LARP1B: variants seen among roughly 807,000 people sequenced by gnomAD.
LARP1B encodes La ribonucleoprotein 1B.
LARP1B carries 76 observed loss-of-function variants against 114.2 expected under a neutral mutation model. The observed-to-expected ratio is 0.67, with a 90% CI of 0.55 to 0.81. LARP1B has a LOEUF of 0.81. Ranked by LOEUF, LARP1B falls within the 30% of genes least tolerant of loss-of-function variation. The pLI, the probability that LARP1B is intolerant of heterozygous loss-of-function variation, is 0.00. For missense variants in LARP1B, 1,014 were observed against 1,075.8 expected (o/e 0.94, Z 0.80); for synonymous variants, 345 against 348.0 (o/e 0.99, Z 0.10).
At chr4:128,140,563 T>TG (rs954299230) in intron 11 of LARP1B, among the ~76,000 whole-genome samples, 8 of 152,064 alleles carry the variant, frequency 5.3e-5, no homozygotes, top group South Asian at 2.1e-4. Context: ...TTGTGGGGGC[T>TG]GGGGGGAGGT....
At chr4:128,197,140 T>C (rs1326016380) in intron 15 of LARP1B, among the ~76,000 whole-genome samples, 1 of 152,206 alleles carries the variant, frequency 6.6e-6, no homozygotes, top group Admixed American at 6.5e-5. Context: ...CAGAATATTG[T>C]GATTATATTT....
chr4:128,088,278 G>A (rs529890872), intron 5 of LARP1B, among the ~76,000 whole-genome samples: 8 of 152,150 alleles, frequency 5.3e-5, no homozygotes, highest in Non-Finnish European at 8.8e-5. Context: ...TTTAAACTTC[G>A]CTTTGTGCAC....
intron 8 of LARP1B, among the ~76,000 whole-genome samples, chr4:128,105,082 T>TG (rs1397122601): frequency 2.6e-5 from 4 of 151,862 alleles, no homozygotes; most frequent in Admixed American, 6.6e-5. Flanking sequence ...TTTTTGTTTT[T>TG]TTTTTACATT....
At chr4:128,199,210 C>T (rs1264240745) in intron 15 of LARP1B, among the ~76,000 whole-genome samples, 1 of 152,134 alleles carries the variant, frequency 6.6e-6, no homozygotes, top group Non-Finnish European at 1.5e-5. Context: ...ACTGTGTTAG[C>T]TTGAGAGTTT....
chr4:128,142,633 C>T (rs180837175), intron 11 of LARP1B, among the ~76,000 whole-genome samples: 78 of 151,948 alleles, frequency 5.1e-4, no homozygotes, highest in Admixed American at 1.8e-3. Flanking sequence ...CTCAGCCCCC[C>T]GAGTATCTGG....
intron 1 of LARP1B, among the ~76,000 whole-genome samples, chr4:128,065,270 T>C (rs1026646660): frequency 2.6e-5 from 3 of 113,510 alleles, no homozygotes; most frequent in Non-Finnish European, 5.7e-5. Context: ...TCTTTCTTTC[T>C]TTCTTTCTTT....
Position 128,173,449 on chromosome 4 carries a change from C to T in LARP1B, c.1649-3423C>T, listed in dbSNP as rs558839444. On this transcript the variant is annotated intron_variant, in intron 12 of 19. Transcript: ENST00000326639. ...CTCATGTAGCATTTTTAATTTTTGA[C>T]GTTCACTAAACACTAACAGCATAAT... is the stretch of plus-strand genomic sequence containing the variant. Among the ~76,000 whole-genome samples, 101 of 152,186 alleles carry T rather than the reference C, an allele frequency of 6.6e-4. 1 individual carries two copies. The South Asian group carries it at 0.02, about 31-fold the overall frequency.
Position 128,107,018 on chromosome 4 carries a change from T to G in LARP1B, c.814-121T>G, listed in dbSNP as rs180869058. 17 of 748,814 alleles carry G rather than the reference T, an allele frequency of 2.3e-5. No homozygotes were observed. The East Asian group carries it at 2.8e-4, about 12-fold the overall frequency. 46.4% of individuals were successfully genotyped at this position (748,814 alleles called of 1,614,324 possible). A position where few individuals can be genotyped will look rare whatever the true frequency, so the allele number is the denominator to read the frequency against. ...TTCTATGTGGTTAACTTATGGATTT[T>G]TTAGAATCTTAACTGCAAATTAGTT... is the stretch of plus-strand genomic sequence containing the variant. On this transcript the variant is annotated intron_variant, in intron 8 of 19. Coordinates refer to ENST00000326639, the MANE Select transcript of LARP1B (RefSeq NM_018078.4).
At chr4:128,077,725 A>C in intron 3 of LARP1B, 63 bp from the exon 4 acceptor site, 1 of 1,441,092 alleles carries the variant, frequency 6.9e-7, no homozygotes, top group Non-Finnish European at 9.1e-7. Context: ...ATTGCCACAA[A>C]TTTTTGGGTA....
intron 15 of LARP1B, among the ~76,000 whole-genome samples, chr4:128,189,485 A>T (rs993386580): frequency 2.0e-5 from 3 of 151,650 alleles, no homozygotes; most frequent in African/African-American, 7.3e-5. Flanking sequence ...AGCCATGCTT[A>T]TATCTTTTGG....
intron 18 of LARP1B, 21 bp from the exon 19 acceptor site, chr4:128,207,235 T>C: frequency 8.7e-7 from 1 of 1,150,734 alleles, no homozygotes; most frequent in Non-Finnish European, 1.2e-6. Context: ...ATTCATAATG[T>C]ATATTATTCT....
Position 128,121,809 on chromosome 4 carries a change from C to T in LARP1B, c.1162-17C>T. ...GATAGAAAGTTTTTTATATAAATTA[C>T]CAATTTCTTCCTTCAGGAATCAGTG... On this transcript the variant is annotated splice_polypyrimidine_tract_variant and intron_variant, in intron 10 of 19. Transcript: ENST00000326639. 6.8e-7 allele frequency: 1 copy of T among 1,471,712 alleles called. No homozygotes were observed. Among genetic ancestry groups the T allele is most frequent in the Non-Finnish European group, 9.0e-7 (1 of 1,107,654 alleles). 91.2% of individuals were successfully genotyped at this position (1,471,712 alleles called of 1,614,324 possible).
intron 15 of LARP1B, among the ~76,000 whole-genome samples, chr4:128,194,866 CAA>C (rs879815845): frequency 2.2e-5 from 3 of 137,076 alleles, no homozygotes; most frequent in Non-Finnish European, 3.2e-5. Flanking sequence ...GACTCCATCG[CAA>C]AAAAAAAAAA....
chr4:128,073,934 A>G (rs1766742982), intron 1 of LARP1B, among the ~76,000 whole-genome samples: 1 of 149,276 alleles, frequency 6.7e-6, no homozygotes, highest in Non-Finnish European at 1.5e-5. Context: ...TCAGTGTAAT[A>G]CGCTGTGTTT....
downstream of LARP1B, among the ~76,000 whole-genome samples, chr4:128,213,523 C>A (rs1759260239): frequency 6.6e-6 from 1 of 151,866 alleles, no homozygotes; most frequent in Admixed American, 6.6e-5. Flanking sequence ...AAACTATACC[C>A]CTTAAAGAAA....
At chr4:128,140,855 G>A (rs1051642535) in intron 11 of LARP1B, among the ~76,000 whole-genome samples, 21 of 118,618 alleles carry the variant, frequency 1.8e-4, no homozygotes, top group East Asian at 1.6e-3. Context: ...TTGCTCTGTC[G>A]CCCAGGCTAG....
At chr4:128,145,694 C>T (rs1306791624) in intron 11 of LARP1B, among the ~76,000 whole-genome samples, 1 of 152,166 alleles carries the variant, frequency 6.6e-6, no homozygotes, top group Non-Finnish European at 1.5e-5. Flanking sequence ...GCTTACTGTG[C>T]CATGGTTAGG....
downstream of LARP1B, chr4:128,212,058 T>A (rs1759065891): frequency 6.6e-6 from 1 of 152,170 alleles, no homozygotes; most frequent in Non-Finnish European, 1.5e-5. Flanking sequence ...TTTTCTGATG[T>A]CATTAATATT....
chr4:128,209,870 T>C lies in LARP1B; in HGVS notation c.2562T>C (p.Asp854=), dbSNP rs1294684310. The change falls in exon 20 of 20, where the codon GAT becomes GAC. Residue 854 remains aspartate (D), a synonymous_variant. Transcript: ENST00000326639. The part of the protein sequence containing the change: ...EDFRVDPPIS[D]EFGRKRHSST... ...ATCATTTGCAGCCCCCTATTAGTGA[T>C]GAATTTGGAAGAAAAAGACATTCCT... 3.7e-6 allele frequency: 6 copies of C among 1,613,756 alleles called. 1 individual carries two copies. The South Asian group carries it at 6.6e-5, about 18-fold the overall frequency.
Sources: gnomAD v4.1 joint callset for allele counts (sites outside exome capture counted in the v4.1 genomes callset) on GRCh38, gnomAD v4.1.1 for gene constraint, MANE v1.5 for transcripts, NCBI Gene and HGNC (gene_info 2026-07-23, HGNC 2026-07-21) for gene names.